Variants in TENM2 observed in about 807,000 individuals in gnomAD.
TENM2 encodes the protein teneurin transmembrane protein 2, also known as teneurin-2.
A neutral mutation model predicts 245.2 loss-of-function variants in TENM2; 52 were observed. That is an observed-to-expected ratio of 0.21 (90% CI 0.17 to 0.27). The LOEUF is 0.27. TENM2 is among the 10% of genes least tolerant of loss of function. TENM2 has a pLI of 1.00. For synonymous variants in TENM2, 1,363 were observed against 1,438.9 expected (o/e 0.95, Z 1.19); for missense variants, 3,046 against 3,666.8 (o/e 0.83, Z 4.37).
At chr5:167,892,427 A>T (rs2151468302) in intron 3 of TENM2, among the ~76,000 whole-genome samples, 1 of 152,312 alleles carries the variant, frequency 6.6e-6, no homozygotes, top group Non-Finnish European at 1.5e-5. Context: ...CTCTAGGCAG[A>T]GGAGTGGTTT....
At chr5:167,116,850 G>T in the TENM2 span, among the ~76,000 whole-genome samples, 4 of 152,178 alleles carry the variant, frequency 2.6e-5, no homozygotes, top group African/African-American at 9.7e-5. Context: ...CACAACATGT[G>T]TCTGGGAAAA....
At chr5:167,196,917 C>G in the TENM2 span, among the ~76,000 whole-genome samples, 1 of 151,696 alleles carries the variant, frequency 6.6e-6, no homozygotes, top group Non-Finnish European at 1.5e-5. Context: ...TAATCTCCAG[C>G]GAGTACTGAG....
chr5:167,095,047 T>G, the TENM2 span, among the ~76,000 whole-genome samples: 1 of 152,168 alleles, frequency 6.6e-6, no homozygotes, highest in South Asian at 2.1e-4. Context: ...CATTATGTAC[T>G]CTAATTCACA....
the TENM2 span, among the ~76,000 whole-genome samples, chr5:167,178,392 G>A: frequency 5.3e-5 from 8 of 152,226 alleles, no homozygotes; most frequent in South Asian, 1.7e-3. Context: ...TTATTAAAGC[G>A]GCTCCAGAAC....
At chr5:167,467,113 T>G (rs977732005) in intron 2 of TENM2, among the ~76,000 whole-genome samples, 1 of 152,182 alleles carries the variant, frequency 6.6e-6, no homozygotes, top group Non-Finnish European at 1.5e-5. Context: ...CATCTTGAAT[T>G]CTAATCTCCA....
chr5:167,900,007 A>G (rs1373703039), intron 3 of TENM2, among the ~76,000 whole-genome samples: 1 of 151,696 alleles, frequency 6.6e-6, no homozygotes, highest in East Asian at 1.9e-4. Flanking sequence ...GTGGCAGCTC[A>G]GAGCACATTC....
chr5:167,421,129 C>A (rs1239206402), intron 2 of TENM2, among the ~76,000 whole-genome samples: 3 of 152,132 alleles, frequency 2.0e-5, no homozygotes, highest in Non-Finnish European at 2.9e-5. Flanking sequence ...TATGCTAAAA[C>A]TTTAAGAGTA....
chr5:167,965,213 G>A (rs1317126732), intron 4 of TENM2: 1 of 152,152 alleles, frequency 6.6e-6, no homozygotes, highest in Non-Finnish European at 1.5e-5. Context: ...GCAATGTCAT[G>A]TGCTGAAGAA....
At chr5:167,891,538 T>C (rs1381731108) in intron 3 of TENM2, among the ~76,000 whole-genome samples, 5 of 152,182 alleles carry the variant, frequency 3.3e-5, no homozygotes, top group Non-Finnish European at 7.3e-5. Context: ...ATATCCTTAT[T>C]ACATAGCTGG....
chr5:167,339,838 C>T (rs1288499059), intron 1 of TENM2, among the ~76,000 whole-genome samples: 4 of 152,174 alleles, frequency 2.6e-5, no homozygotes, highest in Admixed American at 1.3e-4. Flanking sequence ...TGTGAGGGCA[C>T]AAGCAACACT....
intron 2 of TENM2, among the ~76,000 whole-genome samples, chr5:167,665,961 C>T (rs1042499638): frequency 6.6e-5 from 10 of 152,224 alleles, no homozygotes; most frequent in Admixed American, 3.9e-4. Context: ...TAGCTGATAA[C>T]TTCCACTTCA....
At chr5:167,967,622 TA>T (rs1036279073) in intron 4 of TENM2, among the ~76,000 whole-genome samples, 3 of 151,798 alleles carry the variant, frequency 2.0e-5, no homozygotes, top group African/African-American at 7.3e-5. Context: ...AGAAAGAACT[TA>T]AAAAAAAGAA....
At chr5:167,084,366 T>TATATATATATATATACAC in the TENM2 span, among the ~76,000 whole-genome samples, 110 of 114,864 alleles carry the variant, frequency 9.6e-4, 3 homozygotes, top group Non-Finnish European at 1.7e-3. Context: ...TATATATATA[T>TATATATATATATATACAC]ACAGATCAGA....
At chr5:167,510,209 A>T (rs1769844620) in intron 2 of TENM2, among the ~76,000 whole-genome samples, 1 of 152,198 alleles carries the variant, frequency 6.6e-6, no homozygotes, top group Non-Finnish European at 1.5e-5. Flanking sequence ...GTATTCATGC[A>T]GTTAATTTAC....
chr5:167,298,947 C>A (rs552483999), intron 1 of TENM2, among the ~76,000 whole-genome samples: 7 of 152,064 alleles, frequency 4.6e-5, no homozygotes, highest in African/African-American at 1.7e-4. Context: ...GGGCACAGTC[C>A]GAGTTGGTCT....
At chr5:168,257,222 C>T (rs1767743910) in intron 27 of TENM2, among the ~76,000 whole-genome samples, 2 of 149,244 alleles carry the variant, frequency 1.3e-5, no homozygotes, top group Non-Finnish European at 2.9e-5. Flanking sequence ...AAGAATGTGA[C>T]TGTTGTTTTG....
chr5:167,265,829 T>C, the TENM2 span, among the ~76,000 whole-genome samples: 6 of 152,182 alleles, frequency 3.9e-5, no homozygotes, highest in African/African-American at 1.4e-4. Context: ...TACTCTCTTT[T>C]TTTTCATAGT....
At chr5:167,681,737 A>G (rs1048896772) in intron 2 of TENM2, among the ~76,000 whole-genome samples, 1 of 152,162 alleles carries the variant, frequency 6.6e-6, no homozygotes, top group African/African-American at 2.4e-5. Flanking sequence ...GATTGTACCA[A>G]TTTGTTATCC....
chr5:167,643,236 T>C (rs2150257357), intron 2 of TENM2, among the ~76,000 whole-genome samples: 1 of 152,298 alleles, frequency 6.6e-6, no homozygotes, highest in East Asian at 1.9e-4. Context: ...CCCAGTAAGA[T>C]CCTTCATGAC....
Sources: gnomAD v4.1 joint callset for allele counts (sites outside exome capture counted in the v4.1 genomes callset) on GRCh38, gnomAD v4.1.1 for gene constraint, MANE v1.5 for transcripts, NCBI Gene and HGNC (gene_info 2026-07-23, HGNC 2026-07-21) for gene names.